NRG3: variants seen among roughly 807,000 people sequenced by gnomAD.
NRG3 encodes the protein pro-neuregulin-3, membrane-bound isoform.
NRG3 carries 31 observed loss-of-function variants against 66.9 expected under a neutral mutation model. The observed-to-expected ratio is 0.46, with a 90% confidence interval of 0.35 to 0.63. NRG3 has a LOEUF of 0.63. NRG3 is among the 20% of genes least tolerant of loss of function. The pLI is 0.00. For synonymous variants in NRG3, 393 were observed against 359.4 expected, an observed-to-expected ratio of 1.09 and a Z score of -1.06; for missense variants, 910 against 878.9, an observed-to-expected ratio of 1.04 and a Z score of -0.45.
chr10:82,045,208 C>G (rs1167559457), intron 1 of NRG3, among the ~76,000 whole-genome samples: 1 of 29,264 alleles, frequency 3.4e-5, no homozygotes, highest in Non-Finnish European at 1.7e-4. Context: ...TCCTATTTCT[C>G]CACATCCTCT....
At chr10:81,920,840 C>G (rs1846188304) in intron 1 of NRG3, among the ~76,000 whole-genome samples, 1 of 152,046 alleles carries the variant, frequency 6.6e-6, no homozygotes, top group Admixed American at 6.6e-5. Flanking sequence ...TTTTTACAAT[C>G]TGAACAGAAA....
At chr10:82,388,232 A>G (rs1240658541) in intron 2 of NRG3, among the ~76,000 whole-genome samples, 1 of 152,212 alleles carries the variant, frequency 6.6e-6, no homozygotes, top group South Asian at 2.1e-4. Context: ...ATGTGCTGTA[A>G]AAAGGGAATA....
At chr10:82,856,995 A>G (rs927991207) in intron 3 of NRG3, among the ~76,000 whole-genome samples, 1 of 152,182 alleles carries the variant, frequency 6.6e-6, no homozygotes, top group Non-Finnish European at 1.5e-5. Context: ...TTCCTATTAA[A>G]TCCTTTAATC....
chr10:82,454,038 A>G (rs1273410689), intron 2 of NRG3, among the ~76,000 whole-genome samples: 1 of 152,210 alleles, frequency 6.6e-6, no homozygotes. Flanking sequence ...CTTTCTGGGC[A>G]TGGCATTGTG....
At chr10:82,624,593 G>C (rs1253345694) in intron 2 of NRG3, among the ~76,000 whole-genome samples, 1 of 151,668 alleles carries the variant, frequency 6.6e-6, no homozygotes, top group African/African-American at 2.4e-5. Context: ...AATTAAAATT[G>C]TGTTAATTTT....
chr10:82,873,580 T>C lies in NRG3; in HGVS notation c.1054+8143T>C, dbSNP rs575852209. 3.3e-5 allele frequency among the ~76,000 whole-genome samples: 5 copies of C among 152,290 alleles called. No individual in the cohort carries two copies. In the South Asian group the frequency reaches 1.0e-3, roughly 32 times the overall value. Reference sequence around the variant, plus strand: ...CGAAGGATTTCTTATCTAACAAATATCTAGCTACTGTGTGTGAAATGTATC... The same window carrying C: ...CGAAGGATTTCTTATCTAACAAATACCTAGCTACTGTGTGTGAAATGTATC... On this transcript the variant is annotated intron_variant, in intron 4 of 8. Transcript: ENST00000372141.
rs140785649 is a variant in NRG3, at chr10:81,953,370, G to A, written c.823+77207G>A. On this transcript the variant is annotated intron_variant, in intron 1 of 8. Coordinates refer to ENST00000372141, the MANE Select transcript of NRG3 (RefSeq NM_001010848.4). ...GATGGCTATTATCTCAGTGGAAATA[G>A]ACCTAACACCCCAGAGAATCTTATA... Among the ~76,000 whole-genome samples, 659 of 152,226 alleles carry A rather than the reference G, an allele frequency of 4.3e-3. 1 individual carries two copies. The highest frequency in any genetic ancestry group is 0.01 in the Middle Eastern group (3 of 294).
intron 1 of NRG3, among the ~76,000 whole-genome samples, chr10:81,915,204 A>G (rs976730911): frequency 5.9e-5 from 9 of 152,294 alleles, no homozygotes; most frequent in African/African-American, 1.4e-4. Flanking sequence ...TCTTTTTTAT[A>G]TTTTAAGCAT....
chr10:82,278,456 C>T (rs1042806103), intron 1 of NRG3, among the ~76,000 whole-genome samples: 2 of 152,076 alleles, frequency 1.3e-5, no homozygotes, highest in African/African-American at 4.8e-5. Context: ...CCTGATTACT[C>T]TCTCAGACTG....
chr10:82,176,192 G>A (rs2133167142), intron 1 of NRG3, among the ~76,000 whole-genome samples: 1 of 152,246 alleles, frequency 6.6e-6, no homozygotes, highest in African/African-American at 2.4e-5. Flanking sequence ...ATTGGCTTTA[G>A]AAGCCATTTT....
At chr10:82,203,471 G>T (rs1416996437) in intron 1 of NRG3, among the ~76,000 whole-genome samples, 1 of 152,198 alleles carries the variant, frequency 6.6e-6, no homozygotes, top group Non-Finnish European at 1.5e-5. Context: ...CACTATGGAA[G>T]GTCAGTTCAC....
chr10:82,189,211 A>C (rs555348609), intron 1 of NRG3, among the ~76,000 whole-genome samples: 6 of 152,280 alleles, frequency 3.9e-5, no homozygotes, highest in African/African-American at 1.4e-4. Context: ...AGAATATGCC[A>C]TGCTTGTCTT....
In NRG3 at chr10:82,604,875, G is replaced by GT. The variant is rs2047866417; in HGVS notation, c.954-133699dup. ...ATTGTTTTAATTTCAAATCCCTATT[G>GT]TTTATTGCTGGTGTATAAGAAAGCA... On this transcript the variant is annotated intron_variant, in intron 2 of 8. Transcript: ENST00000372141. Among the ~76,000 whole-genome samples the GT allele has an allele frequency of 2.6e-5, 4 of 152,052 alleles. No homozygotes were observed. In the South Asian group the frequency reaches 8.3e-4, roughly 32 times the overall value.
At chr10:82,199,264 A>C (rs1218794223) in intron 1 of NRG3, among the ~76,000 whole-genome samples, 2 of 152,072 alleles carry the variant, frequency 1.3e-5, no homozygotes, top group Non-Finnish European at 2.9e-5. Flanking sequence ...CAATTTGTTC[A>C]TTTTTATTGC....
At chr10:82,896,509 C>A (rs753233704) in intron 4 of NRG3, among the ~76,000 whole-genome samples, 1 of 152,104 alleles carries the variant, frequency 6.6e-6, no homozygotes, top group Non-Finnish European at 1.5e-5. Context: ...CATGAAATAC[C>A]TGTTTATTGT....
At chr10:82,261,764 A>AT (rs958548214) in intron 1 of NRG3, among the ~76,000 whole-genome samples, 5 of 152,104 alleles carry the variant, frequency 3.3e-5, no homozygotes, top group East Asian at 1.9e-4. Context: ...CACTCATGCT[A>AT]TTTTTTTGTG....
chr10:82,124,621 G>T (rs1005436639), intron 1 of NRG3, among the ~76,000 whole-genome samples: 4 of 151,466 alleles, frequency 2.6e-5, no homozygotes, highest in African/African-American at 9.7e-5. Context: ...TGCATGAGGG[G>T]CTTAAAACCT....
At chr10:82,084,673 C>T (rs537102707) in intron 1 of NRG3, among the ~76,000 whole-genome samples, 2 of 152,094 alleles carry the variant, frequency 1.3e-5, no homozygotes, top group South Asian at 2.1e-4. Context: ...TTTTGAAATA[C>T]TGGGTTGGTG....
chr10:82,785,024 C>T (rs2060287715), intron 3 of NRG3, among the ~76,000 whole-genome samples: 1 of 151,918 alleles, frequency 6.6e-6, no homozygotes, highest in Non-Finnish European at 1.5e-5. Context: ...ACTATGCAGC[C>T]ATAAAAATGA....
Sources: allele counts gnomAD v4.1 joint callset (sites outside exome capture counted in the v4.1 genomes callset), GRCh38; gene constraint gnomAD v4.1.1; transcripts MANE v1.5; gene names NCBI Gene and HGNC (gene_info 2026-07-23, HGNC 2026-07-21).